Variants in FHIT observed in about 807,000 individuals in gnomAD.
The protein encoded by FHIT is bis(5'-adenosyl)-triphosphatase.
A neutral mutation model predicts 17.9 loss-of-function variants in FHIT; 19 were observed. The observed-to-expected ratio is 1.06, with a 90% CI of 0.74 to 1.56. The LOEUF is 1.56. Among genes scored for constraint, FHIT ranks in the 40% most tolerant of loss-of-function variants. The pLI, the probability that FHIT is intolerant of heterozygous loss-of-function variation, is 0.00. For missense variants in FHIT, 248 were observed against 189.2 expected, an observed-to-expected ratio of 1.31 and a Z score of -1.82; for synonymous variants, 81 against 69.7, an observed-to-expected ratio of 1.16 and a Z score of -0.81.
At chr3:60,629,241 C>T (rs1439608410) in intron 4 of FHIT, among the ~76,000 whole-genome samples, 2 of 152,118 alleles carry the variant, frequency 1.3e-5, no homozygotes, top group African/African-American at 4.8e-5. Context: ...GCCACATCTG[C>T]CCAGAGTGGA....
At position 60,724,199 on chromosome 3, in the gene FHIT, C is replaced by T. The variant is rs71313786; in HGVS notation, c.-18+97720G>A. ...AGAGTTTCTGCCGCTATGGATTTAC[C>T]TATTTTTGACACTTCACAATTGGTC... On this transcript the variant is annotated intron_variant, in intron 4 of 9. Coordinates refer to ENST00000492590, the MANE Select transcript of FHIT (RefSeq NM_002012.4). 1.5e-3 allele frequency among the ~76,000 whole-genome samples: 232 copies of T among 152,306 alleles called. 1 individual carries two copies. Among genetic ancestry groups the T allele is most frequent in the Middle Eastern group, 3.4e-3 (1 of 294 alleles).
At chr3:60,310,197 G>A (rs1222285728) in intron 5 of FHIT, among the ~76,000 whole-genome samples, 1 of 152,130 alleles carries the variant, frequency 6.6e-6, no homozygotes, top group Non-Finnish European at 1.5e-5. Flanking sequence ...TCTCCACAGA[G>A]CCCATGACCT....
intron 3 of FHIT, among the ~76,000 whole-genome samples, chr3:60,855,260 T>A (rs1444042005): frequency 6.6e-6 from 1 of 152,102 alleles, no homozygotes; most frequent in African/African-American, 2.4e-5. Context: ...TTGCCATTGA[T>A]TGGTATTCAG....
chr3:59,806,554 T>C (rs1163441471), intron 8 of FHIT, among the ~76,000 whole-genome samples: 2 of 152,042 alleles, frequency 1.3e-5, no homozygotes, highest in Non-Finnish European at 2.9e-5. Flanking sequence ...CTTGACTCTC[T>C]CCTACCATCC....
Position 61,074,239 on chromosome 3 carries a change from G to A in FHIT, c.-163-32140C>T, listed in dbSNP as rs188305146. On this transcript the variant is annotated intron_variant, in intron 2 of 9. Transcript: ENST00000492590. ...TCAGAGTTTTGCTATAAACTCACTC[G>A]GAAGAGAATATCACAGTCTTCTCTT... is the stretch of plus-strand genomic sequence containing the variant. Among the ~76,000 whole-genome samples, 34 of 152,210 alleles carry A rather than the reference G, an allele frequency of 2.2e-4. No individual in the cohort carries two copies. In the East Asian group the frequency reaches 2.3e-3, roughly 10 times the overall value.
chr3:60,550,533 G>A (rs2036511852), intron 4 of FHIT, among the ~76,000 whole-genome samples: 1 of 151,210 alleles, frequency 6.6e-6, no homozygotes, highest in African/African-American at 2.4e-5. Flanking sequence ...TTTATAAACA[G>A]AAAACACCTA....
chr3:60,204,052 A>G (rs1454779891), intron 5 of FHIT, among the ~76,000 whole-genome samples: 1 of 152,196 alleles, frequency 6.6e-6, no homozygotes, highest in South Asian at 2.1e-4. Flanking sequence ...TAAATAATTT[A>G]ATTGTACATT....
At chr3:59,829,000 G>A (rs1183572299) in intron 8 of FHIT, among the ~76,000 whole-genome samples, 1 of 151,980 alleles carries the variant, frequency 6.6e-6, no homozygotes, top group Non-Finnish European at 1.5e-5. Flanking sequence ...TCTAGTTTAA[G>A]CACAATGACT....
intron 5 of FHIT, among the ~76,000 whole-genome samples, chr3:60,019,412 C>T (rs1313895647): frequency 1.8e-5 from 2 of 110,598 alleles, no homozygotes; most frequent in African/African-American, 3.4e-5. Flanking sequence ...AGTTGAGATG[C>T]TCCTTTTTTT....
intron 2 of FHIT, among the ~76,000 whole-genome samples, chr3:61,092,004 T>C (rs2035500105): frequency 6.8e-6 from 1 of 147,640 alleles, no homozygotes; most frequent in Non-Finnish European, 1.5e-5. Flanking sequence ...CATGGTCAGT[T>C]AGTTCTTCAG....
intron 5 of FHIT, among the ~76,000 whole-genome samples, chr3:60,191,362 C>T (rs1306953893): frequency 1.3e-5 from 2 of 152,162 alleles, no homozygotes; most frequent in East Asian, 1.9e-4. Context: ...TGACTAGTCT[C>T]GTACTTAGAA....
intron 4 of FHIT, among the ~76,000 whole-genome samples, chr3:60,739,927 A>G (rs2108006839): frequency 6.6e-6 from 1 of 152,320 alleles, no homozygotes; most frequent in Non-Finnish European, 1.5e-5. Context: ...TGAGAAGCTC[A>G]CAAGTTTAAG....
intron 7 of FHIT, among the ~76,000 whole-genome samples, chr3:59,990,856 T>C (rs1297416263): frequency 6.6e-6 from 1 of 152,102 alleles, no homozygotes; most frequent in Non-Finnish European, 1.5e-5. Context: ...ATAGTCATTA[T>C]AGAGCTTTTG....
At chr3:60,827,831 C>A (rs1486575931) in intron 3 of FHIT, among the ~76,000 whole-genome samples, 1 of 152,192 alleles carries the variant, frequency 6.6e-6, no homozygotes, top group Non-Finnish European at 1.5e-5. Context: ...TGTTCCTGGA[C>A]AGAAGCAAGG....
chr3:59,971,366 T>TA (rs1302151411), intron 7 of FHIT, among the ~76,000 whole-genome samples: 3 of 152,130 alleles, frequency 2.0e-5, no homozygotes, highest in African/African-American at 7.2e-5. Flanking sequence ...TGGAAGGCCT[T>TA]ATAATGAGGA....
chr3:60,375,441 G>A (rs1357090333), intron 5 of FHIT, among the ~76,000 whole-genome samples: 1 of 151,778 alleles, frequency 6.6e-6, no homozygotes, highest in East Asian at 1.9e-4. Flanking sequence ...CAGATGTGGT[G>A]GTGTACACCA....
intron 5 of FHIT, among the ~76,000 whole-genome samples, chr3:60,333,960 A>G (rs1323041712): frequency 9.2e-6 from 1 of 108,320 alleles, no homozygotes; most frequent in Non-Finnish European, 1.9e-5. Flanking sequence ...GTTTTCCTAC[A>G]CATGGTTACA....
intron 2 of FHIT, among the ~76,000 whole-genome samples, chr3:61,156,900 A>T (rs536530652): frequency 6.6e-6 from 1 of 152,238 alleles, no homozygotes; most frequent in East Asian, 1.9e-4. Flanking sequence ...TCCTCTAGAG[A>T]TTCTCCTGCA....
intron 5 of FHIT, among the ~76,000 whole-genome samples, chr3:60,495,635 T>C (rs2034271127): frequency 6.6e-6 from 1 of 152,076 alleles, no homozygotes; most frequent in Admixed American, 6.6e-5. Flanking sequence ...TCCAACAGCA[T>C]CAGTATGTCA....
Sources: gnomAD v4.1 joint callset for allele counts (sites outside exome capture counted in the v4.1 genomes callset) on GRCh38, gnomAD v4.1.1 for gene constraint, MANE v1.5 for transcripts, NCBI Gene and HGNC (gene_info 2026-07-23, HGNC 2026-07-21) for gene names.